The following ZNF385D variants were observed in gnomAD, a reference collection of about 807,000 sequenced individuals.
ZNF385D encodes the protein zinc finger protein 385D, also known as zinc finger protein 659.
ZNF385D carries 15 observed loss-of-function variants against 35.8 expected under a neutral mutation model. The observed-to-expected ratio is 0.42, with a 90% CI of 0.28 to 0.64. The LOEUF (loss-of-function observed/expected upper bound fraction) is 0.64, where lower values mean the gene tolerates loss of function less well. Among genes scored for constraint, ZNF385D ranks in the 30% least tolerant of loss-of-function variants. The pLI is 0.23. For synonymous variants in ZNF385D, 212 were observed against 186.8 expected (o/e 1.13, Z -1.10); for missense variants, 474 against 494.6 (o/e 0.96, Z 0.39).
intron 3 of ZNF385D, among the ~76,000 whole-genome samples, chr3:21,909,913 T>C (rs1226620759): frequency 1.3e-5 from 2 of 152,048 alleles, no homozygotes; most frequent in East Asian, 3.8e-4. Flanking sequence ...TGTTGATATA[T>C]GGAATAAACA....
chr3:21,641,140 C>A (rs1428134291), intron 2 of ZNF385D, among the ~76,000 whole-genome samples: 1 of 152,104 alleles, frequency 6.6e-6, no homozygotes, highest in African/African-American at 2.4e-5. Context: ...CTGACGTGTT[C>A]TTGCTGTAAC....
intron 2 of ZNF385D, among the ~76,000 whole-genome samples, chr3:22,249,429 A>G (rs2125326539): frequency 6.6e-6 from 1 of 152,258 alleles, no homozygotes; most frequent in East Asian, 1.9e-4. Flanking sequence ...AGGGTCTCTT[A>G]AGCATTCAAC....
At chr3:21,605,437 A>AATCCTG (rs916010043) in intron 2 of ZNF385D, among the ~76,000 whole-genome samples, 16 of 152,280 alleles carry the variant, frequency 1.1e-4, no homozygotes, top group African/African-American at 3.6e-4. Flanking sequence ...AATTTTCTAA[A>AATCCTG]ATCCTGACCA....
intron 3 of ZNF385D, among the ~76,000 whole-genome samples, chr3:21,790,994 A>G (rs1314343658): frequency 6.6e-6 from 1 of 152,244 alleles, no homozygotes; most frequent in African/African-American, 2.4e-5. Context: ...GCGAAGAAAT[A>G]CACAGAACTA....
At chr3:21,499,228 C>T (rs1706173822) in intron 4 of ZNF385D, among the ~76,000 whole-genome samples, 1 of 152,076 alleles carries the variant, frequency 6.6e-6, no homozygotes, top group South Asian at 2.1e-4. Flanking sequence ...TGGAATCAAC[C>T]TAATGCCCAT....
chr3:21,668,226 C>T (rs2066463597), intron 1 of ZNF385D, among the ~76,000 whole-genome samples: 1 of 152,102 alleles, frequency 6.6e-6, no homozygotes, highest in South Asian at 2.1e-4. Flanking sequence ...AGCTGCCTTA[C>T]CTAAGGTGAC....
At chr3:21,654,218 A>C (rs547357969) in intron 2 of ZNF385D, among the ~76,000 whole-genome samples, 2 of 152,206 alleles carry the variant, frequency 1.3e-5, no homozygotes, top group South Asian at 4.1e-4. Flanking sequence ...CCTTGAAATA[A>C]ATTTCATTTT....
intron 3 of ZNF385D, among the ~76,000 whole-genome samples, chr3:22,106,238 A>G (rs1702206524): frequency 6.6e-6 from 1 of 152,104 alleles, no homozygotes; most frequent in Non-Finnish European, 1.5e-5. Context: ...CATCGACATA[A>G]TCAGGTTTTT....
chr3:21,469,447 G>A (rs1212945860), intron 4 of ZNF385D, among the ~76,000 whole-genome samples: 4 of 152,050 alleles, frequency 2.6e-5, no homozygotes, highest in Non-Finnish European at 5.9e-5. Flanking sequence ...ATAAGCACAT[G>A]GTACTAGCCC....
intron 2 of ZNF385D, among the ~76,000 whole-genome samples, chr3:21,619,377 G>A (rs1684521782): frequency 6.6e-6 from 1 of 151,890 alleles, no homozygotes; most frequent in African/African-American, 2.4e-5. Flanking sequence ...GACTTGAAAT[G>A]TAAACCTGTC....
chr3:21,861,201 AC>A (rs1214304071), intron 3 of ZNF385D, among the ~76,000 whole-genome samples: 3 of 152,042 alleles, frequency 2.0e-5, no homozygotes, highest in Non-Finnish European at 2.9e-5. Flanking sequence ...AAATGAACAG[AC>A]TGCTCTCAAA....
intron 2 of ZNF385D, among the ~76,000 whole-genome samples, chr3:22,243,182 A>G (rs557574442): frequency 6.6e-6 from 1 of 151,088 alleles, no homozygotes; most frequent in East Asian, 2.0e-4. Context: ...CCCAATAATA[A>G]AAAAACAAAC....
At position 22,149,421 on chromosome 3, in the gene ZNF385D, C is replaced by T. The variant is rs190544348; in HGVS notation, c.325+19396G>A. Among the ~76,000 whole-genome samples, 13 of 152,284 alleles carry T rather than the reference C, an allele frequency of 8.5e-5. No homozygotes were observed. The East Asian group carries it at 2.5e-3, about 29-fold the overall frequency. On this transcript the variant is annotated intron_variant, in intron 3 of 5. Transcript: ENST00000494108. ...ATTATTGCTTCTGATATGTTATTTA[C>T]TACATAGGGCAGTGATTCTTAAGCT...
chr3:22,058,194 A>G (rs62246371), intron 3 of ZNF385D, among the ~76,000 whole-genome samples: 3 of 87,008 alleles, frequency 3.4e-5, no homozygotes, highest in South Asian at 3.3e-4. Flanking sequence ...GGCACCATCT[A>G]ATTTGATTTC....
At chr3:21,619,669 A>G (rs777518143) in intron 2 of ZNF385D, among the ~76,000 whole-genome samples, 1 of 152,108 alleles carries the variant, frequency 6.6e-6, no homozygotes, top group Non-Finnish European at 1.5e-5. Flanking sequence ...AATGGTGGTA[A>G]GAGTTGTAAA....
intron 3 of ZNF385D, among the ~76,000 whole-genome samples, chr3:22,012,760 AC>A (rs78760916): frequency 0.049 from 7,479 of 152,154 alleles, 254 homozygotes; most frequent in East Asian, 0.16. Context: ...AGGATTAAGA[AC>A]ATTCTCCATA....
chr3:22,326,056 T>C (rs910910793), intron 2 of ZNF385D, among the ~76,000 whole-genome samples: 1 of 152,136 alleles, frequency 6.6e-6, no homozygotes, highest in Non-Finnish European at 1.5e-5. Context: ...AATTCCCGAA[T>C]GTTTTCCTTT....
At chr3:21,586,163 G>A (rs2063804941) in intron 2 of ZNF385D, among the ~76,000 whole-genome samples, 1 of 152,032 alleles carries the variant, frequency 6.6e-6, no homozygotes, top group Admixed American at 6.6e-5. Flanking sequence ...TTATATTTGT[G>A]CCACTGCATT....
intron 3 of ZNF385D, among the ~76,000 whole-genome samples, chr3:22,012,005 A>G (rs1253499785): frequency 6.6e-6 from 1 of 152,156 alleles, no homozygotes; most frequent in African/African-American, 2.4e-5. Context: ...CTAGATCCAC[A>G]TAACATAATC....
Sources: gnomAD v4.1 joint callset for allele counts (sites outside exome capture counted in the v4.1 genomes callset) on GRCh38, gnomAD v4.1.1 for gene constraint, MANE v1.5 for transcripts, NCBI Gene and HGNC (gene_info 2026-07-23, HGNC 2026-07-21) for gene names.